Variants in USP13 observed in about 807,000 individuals in gnomAD.
USP13 encodes the protein ubiquitin specific peptidase 13, also known as ubiquitin carboxyl-terminal hydrolase 13.
Under a neutral mutation model 107.8 loss-of-function variants are expected in USP13, and 68 were observed. That is an observed-to-expected ratio of 0.63 (90% CI 0.52 to 0.77). The LOEUF is 0.77. USP13 is among the 30% of genes least tolerant of loss of function. The pLI is 0.00. For synonymous variants in USP13, 377 were observed against 389.5 expected (o/e 0.97, Z 0.38); for missense variants, 945 against 1,093.3 (o/e 0.86, Z 1.91).
chr3:179,698,345 A>G (rs1712391741), intron 3 of USP13, among the ~76,000 whole-genome samples: 2 of 152,200 alleles, frequency 1.3e-5, no homozygotes, highest in Admixed American at 1.3e-4. Context: ...CCTAGTACCT[A>G]CCAGATCCTG....
In USP13 at chr3:179,742,379, CTG is replaced by C. The variant is rs1273268188; in HGVS notation, c.1534+35_1534+36del. 6.2e-7 allele frequency: 1 copy of C among 1,613,250 alleles called. No individual in the cohort carries two copies. The highest frequency in any genetic ancestry group is 1.3e-5 in the African/African-American group (1 of 74,886). ...ACAATTCCAAAGCGGGAAATTGGTA[CTG>C]TGTGTCTTCATATGGGAAAACCCTC... is the stretch of plus-strand genomic sequence containing the variant. On this transcript the variant is annotated intron_variant, in intron 12 of 20. Transcript: ENST00000263966. This position sits in a 1 kb window ranked among gnomAD's most constrained non-coding sequence, Gnocchi z 5.0.
chr3:179,732,728 A>G (rs886753249), intron 10 of USP13, among the ~76,000 whole-genome samples: 11 of 145,654 alleles, frequency 7.6e-5, no homozygotes, highest in Non-Finnish European at 1.7e-4. Flanking sequence ...TGTTAATATT[A>G]CAGTGTCCTT....
chr3:179,733,857 G>A (rs1713894600), intron 10 of USP13, among the ~76,000 whole-genome samples: 1 of 152,232 alleles, frequency 6.6e-6, no homozygotes, highest in African/African-American at 2.4e-5. Flanking sequence ...CTTGCCCAAA[G>A]TTGCAAAGCC....
intron 8 of USP13, among the ~76,000 whole-genome samples, chr3:179,728,718 G>C (rs562917015): frequency 1.3e-5 from 2 of 152,326 alleles, no homozygotes; most frequent in South Asian, 2.1e-4. Flanking sequence ...AGGAGACTCC[G>C]TCTGCAATCC....
chr3:179,717,832 C>T (rs1235566908), intron 6 of USP13, among the ~76,000 whole-genome samples: 4 of 151,926 alleles, frequency 2.6e-5, no homozygotes, highest in South Asian at 2.1e-4. Flanking sequence ...TCTTTTGTTT[C>T]GCTTTTGAGA....
At position 179,653,438 on chromosome 3, in the gene USP13, C is replaced by A; in HGVS notation, c.168+45C>A. On this transcript the variant is annotated intron_variant, in intron 1 of 20. Coordinates refer to ENST00000263966, the MANE Select transcript of USP13 (RefSeq NM_003940.3). This position sits in a 1 kb window ranked among gnomAD's most constrained non-coding sequence, Gnocchi z 4.0. Reference sequence around the variant, plus strand: ...GGAGGGTCGCGGGGCCGGCGGCCTGCGGCACGTGAAGCCGGGGGAGAAGAT... The same window carrying A: ...GGAGGGTCGCGGGGCCGGCGGCCTGAGGCACGTGAAGCCGGGGGAGAAGAT... 6.5e-7 allele frequency: 1 copy of A among 1,531,050 alleles called. No homozygotes were observed. The highest frequency in any genetic ancestry group is 8.8e-7 in the Non-Finnish European group (1 of 1,135,096). The allele number at this position is 1,531,050 out of a possible 1,614,324, so 94.8% of individuals were successfully genotyped here.
At chr3:179,679,541 A>G (rs1284986442) in intron 1 of USP13, among the ~76,000 whole-genome samples, 1 of 152,154 alleles carries the variant, frequency 6.6e-6, no homozygotes, top group Non-Finnish European at 1.5e-5. Flanking sequence ...CTTTGAGGAA[A>G]GGTTGGCTAA....
At chr3:179,764,236 G>A in intron 18 of USP13, 68 bp downstream of exon 18, 1 of 1,525,810 alleles carries the variant, frequency 6.6e-7, no homozygotes. Flanking sequence ...TGTAGCAGTT[G>A]AGACTTTCCA....
At chr3:179,681,128 G>A (rs953048991) in intron 1 of USP13, among the ~76,000 whole-genome samples, 1 of 152,116 alleles carries the variant, frequency 6.6e-6, no homozygotes, top group African/African-American at 2.4e-5. Context: ...ACGATTGCTC[G>A]GCTGTCCATA....
chr3:179,658,835 G>A (rs1343937652), intron 1 of USP13, among the ~76,000 whole-genome samples: 1 of 152,198 alleles, frequency 6.6e-6, no homozygotes, highest in Non-Finnish European at 1.5e-5. Flanking sequence ...CACTAAGCCT[G>A]CAAATGGGAA....
In USP13 at chr3:179,765,738, C is replaced by T. The variant is rs759046071; in HGVS notation, c.2303C>T (p.Pro768Leu). Residue 768 changes from proline to leucine, a missense_variant, in exon 19 of 21, where the codon CCT becomes CTT. Transcript: ENST00000263966. ...GCACTGGATTGGATCTTTAGCCACC[C>T]TGAGTTTGAAGAAGACAGTGATTTT... ...ERALDWIFSH[P>L]EFEEDSDFVI... 6.2e-6 allele frequency: 10 copies of T among 1,613,920 alleles called. No homozygotes were observed. Among genetic ancestry groups the T allele is most frequent in the Non-Finnish European group, 2.5e-6 (3 of 1,179,948 alleles).
chr3:179,734,892 G>A (rs1358525644), intron 10 of USP13, among the ~76,000 whole-genome samples: 1 of 152,178 alleles, frequency 6.6e-6, no homozygotes, highest in Admixed American at 6.5e-5. Context: ...CCTCAGTCTT[G>A]CTGCTTGCTT....
chr3:179,706,919 G>C lies in USP13; in HGVS notation c.478-15G>C. 6.2e-7 allele frequency: 1 copy of C among 1,604,118 alleles called. No individual in the cohort carries two copies. Among genetic ancestry groups the C allele is most frequent in the Non-Finnish European group, 8.5e-7 (1 of 1,176,928 alleles). On this transcript the variant is annotated splice_polypyrimidine_tract_variant and intron_variant, in intron 4 of 20. Coordinates refer to ENST00000263966, the MANE Select transcript of USP13 (RefSeq NM_003940.3). ...CAAACTGTTTTTATATATTACATCT[G>C]GGTTTGTCTTATAGGTAACAATTGC...
At chr3:179,703,860 T>C (rs1030020981) in intron 4 of USP13, among the ~76,000 whole-genome samples, 10 of 152,212 alleles carry the variant, frequency 6.6e-5, no homozygotes, top group African/African-American at 2.4e-4. Flanking sequence ...GAAAACATTT[T>C]ATTTAGTCGT....
chr3:179,783,899 C>A, intron 20 of USP13, 149 bp from the exon 21 acceptor site: 2 of 555,294 alleles, frequency 3.6e-6, no homozygotes, highest in Admixed American at 6.2e-5. Context: ...TCCCTACCAG[C>A]ATTCTGTCCC....
chr3:179,757,073 T>C lies in USP13; in HGVS notation c.1943T>C (p.Ile648Thr), dbSNP rs1184843136. Residue 648 changes from isoleucine to threonine, a missense_variant, in exon 16 of 21, where the codon ATA becomes ACA. Coordinates refer to ENST00000263966, the MANE Select transcript of USP13 (RefSeq NM_003940.3). ...CCAGATCGCCTGATGAACCAATTGA[T>C]AGACCGTATGTATCTTTAAAAATGT... ...DSKDRLMNQL[I>T]DPSDIDESSV... The C allele has an allele frequency of 1.9e-6, 3 of 1,613,962 alleles. No individual in the cohort carries two copies. Among genetic ancestry groups the C allele is most frequent in the Non-Finnish European group, 2.5e-6 (3 of 1,179,818 alleles).
intron 3 of USP13, among the ~76,000 whole-genome samples, chr3:179,697,250 G>A (rs771973397): frequency 1.3e-5 from 2 of 152,214 alleles, no homozygotes; most frequent in African/African-American, 2.4e-5. Context: ...TAACCAGAAG[G>A]TTCTAATAAA....
At chr3:179,674,486 A>T (rs1720837034) in intron 1 of USP13, among the ~76,000 whole-genome samples, 1 of 152,116 alleles carries the variant, frequency 6.6e-6, no homozygotes, top group African/African-American at 2.4e-5. Flanking sequence ...ACAATTCATA[A>T]CTTTGTCTTT....
chr3:179,731,557 C>T (rs1191798233), intron 10 of USP13, among the ~76,000 whole-genome samples: 1 of 152,124 alleles, frequency 6.6e-6, no homozygotes, highest in Non-Finnish European at 1.5e-5. Context: ...ACTCCGTGGG[C>T]CAGTCGTTAC....
Sources: gnomAD v4.1 joint callset for allele counts (sites outside exome capture counted in the v4.1 genomes callset) on GRCh38, gnomAD v4.1.1 for gene constraint, Gnocchi (gnomAD v3.1) non-coding constraint, MANE v1.5 for transcripts, NCBI Gene and HGNC (gene_info 2026-07-23, HGNC 2026-07-21) for gene names.